ZNF644: variants seen among roughly 807,000 people sequenced by gnomAD.
ZNF644 encodes the protein zinc finger protein 644.
In ZNF644, 20 loss-of-function variants were observed where a neutral mutation model predicts 108.0. The observed-to-expected ratio is 0.19, with a 90% CI of 0.13 to 0.27. ZNF644 has a LOEUF of 0.27. Ranked by LOEUF, ZNF644 falls within the 10% of genes least tolerant of loss-of-function variation. The pLI is 1.00. For synonymous variants in ZNF644, 542 were observed against 539.1 expected, an observed-to-expected ratio of 1.01 and a Z score of -0.08; for missense variants, 1,338 against 1,548.9, an observed-to-expected ratio of 0.86 and a Z score of 2.29.
At chr1:90,960,679 C>A (rs1654251272) in intron 2 of ZNF644, among the ~76,000 whole-genome samples, 1 of 152,118 alleles carries the variant, frequency 6.6e-6, no homozygotes, top group Non-Finnish European at 1.5e-5. Flanking sequence ...TCAACCAAAG[C>A]CCAAATCCTG....
chr1:90,996,090 TA>T (rs1223075918), intron 1 of ZNF644, among the ~76,000 whole-genome samples: 1 of 152,188 alleles, frequency 6.6e-6, no homozygotes, highest in African/African-American at 2.4e-5. Context: ...ATACATATAT[TA>T]AAAGGTACTC....
chr1:90,918,173 A>C lies in ZNF644; in HGVS notation c.3689-19T>G, dbSNP rs1323794758. The C allele has an allele frequency of 2.5e-6, 4 of 1,588,020 alleles. No homozygotes were observed. Among genetic ancestry groups the C allele is most frequent in the South Asian group, 1.1e-5 (1 of 90,512 alleles). ...TCTAAGGCTAAAAAGGGGAAGAGAA[A>C]GACTTAACATTCCTTATATATTTCA... On this transcript the variant is annotated intron_variant, in intron 4 of 5. Transcript: ENST00000337393.
intron 4 of ZNF644, among the ~76,000 whole-genome samples, chr1:90,928,319 A>G (rs1650297709): frequency 1.0e-5 from 1 of 95,866 alleles, no homozygotes; most frequent in Non-Finnish European, 2.1e-5. Context: ...CACTGGGCTG[A>G]TTTTTTTTTT....
At chr1:90,991,369 A>G (rs358684) in intron 1 of ZNF644, among the ~76,000 whole-genome samples, 109,877 of 152,086 alleles carry the variant, frequency 0.72, 40,153 homozygotes, top group Middle Eastern at 0.79. Flanking sequence ...AAGTTTCACC[A>G]TTTCTTAAAA....
Position 90,940,813 on chromosome 1 carries a change from C to T in ZNF644, c.541G>A (p.Val181Ile), listed in dbSNP as rs1164017290. The T allele has an allele frequency of 6.2e-7, 1 of 1,613,978 alleles. No individual in the cohort carries two copies. The highest frequency in any genetic ancestry group is 1.1e-5 in the South Asian group (1 of 91,078). The part of the protein sequence containing the change: ...QHQVLFLLSD[V>I]AHAKNPTHSN... ...TGGGTGGGATTCTTAGCATGTGCTA[C>T]ATCTGATAACAAAAATAAAACTTGG... Residue 181 changes from valine to isoleucine, a missense_variant, in exon 3 of 6, where the codon GTA becomes ATA. Physicochemically the swap from Val to Ile is conservative, Grantham distance 29. Coordinates refer to ENST00000337393, the MANE Select transcript of ZNF644 (RefSeq NM_201269.3).
chr1:90,986,811 G>C (rs1175495545), intron 1 of ZNF644, among the ~76,000 whole-genome samples: 2 of 151,788 alleles, frequency 1.3e-5, no homozygotes, highest in Admixed American at 6.6e-5. Flanking sequence ...ATTTAAGACT[G>C]AAATCATACC....
chr1:90,966,095 C>T (rs1425700808), intron 2 of ZNF644, among the ~76,000 whole-genome samples: 1 of 152,074 alleles, frequency 6.6e-6, no homozygotes, highest in Non-Finnish European at 1.5e-5. Context: ...TACTATTTCT[C>T]GACTATGCTC....
At chr1:91,018,362 C>A (rs1296813725) in intron 1 of ZNF644, among the ~76,000 whole-genome samples, 1 of 152,198 alleles carries the variant, frequency 6.6e-6, no homozygotes, top group Non-Finnish European at 1.5e-5. Flanking sequence ...CTATACCTGA[C>A]AACTTTACTC....
intron 2 of ZNF644, among the ~76,000 whole-genome samples, chr1:90,949,402 A>T (rs534860387): frequency 1.3e-5 from 2 of 152,116 alleles, no homozygotes; most frequent in Non-Finnish European, 2.9e-5. Context: ...ATCTAAGAAA[A>T]ATATTTCAAG....
intron 2 of ZNF644, among the ~76,000 whole-genome samples, chr1:90,967,715 G>A (rs1655060622): frequency 6.6e-6 from 1 of 151,818 alleles, no homozygotes; most frequent in Admixed American, 6.6e-5. Context: ...GCATATTTCT[G>A]GGTAGCCTGC....
At chr1:90,988,572 G>C (rs1488097222) in intron 1 of ZNF644, among the ~76,000 whole-genome samples, 1 of 152,106 alleles carries the variant, frequency 6.6e-6, no homozygotes, top group East Asian at 1.9e-4. Flanking sequence ...GGACCCCATA[G>C]AGCCAAAACA....
chr1:90,998,575 T>A (rs999065684), intron 1 of ZNF644, among the ~76,000 whole-genome samples: 1 of 151,998 alleles, frequency 6.6e-6, no homozygotes, highest in East Asian at 1.9e-4. Context: ...GGACCAAAGG[T>A]AGATAAAACC....
chr1:90,966,618 C>T (rs1384553372), intron 2 of ZNF644, among the ~76,000 whole-genome samples: 1 of 151,770 alleles, frequency 6.6e-6, no homozygotes, highest in African/African-American at 2.4e-5. Context: ...GGTGTGGTGG[C>T]GTACACCTGT....
intron 2 of ZNF644, among the ~76,000 whole-genome samples, chr1:90,976,878 T>C (rs1310408439): frequency 6.6e-6 from 1 of 152,070 alleles, no homozygotes; most frequent in East Asian, 1.9e-4. Context: ...TAAACATATC[T>C]AGGAATAAAG....
chr1:90,984,497 C>T (rs754775411), intron 1 of ZNF644, among the ~76,000 whole-genome samples: 26 of 151,844 alleles, frequency 1.7e-4, no homozygotes, highest in Non-Finnish European at 3.4e-4. Flanking sequence ...AAGCGATTCT[C>T]GTGCCTCAGC....
rs1476809822 is a variant in ZNF644 at position 90,996,576 on chromosome 1, A to G, written c.-17-14206T>C. Among the ~76,000 whole-genome samples the G allele has an allele frequency of 2.6e-5, 4 of 152,170 alleles. No homozygotes were observed. In the East Asian group the frequency reaches 5.8e-4, roughly 22 times the overall value. On this transcript the variant is annotated intron_variant, in intron 1 of 5. Coordinates refer to ENST00000337393, the MANE Select transcript of ZNF644 (RefSeq NM_201269.3). ...GAGGTGGGAGAAATGCTTGAGTCCA[A>G]GTGCTTGGAACCAGTCTGGGCAACA...
Position 90,940,257 on chromosome 1 carries a change from T to C in ZNF644, c.1097A>G (p.Asn366Ser), listed in dbSNP as rs1478354235. ...SVDAFQHLIY[N>S]PDKCGEESSP... ...ACTCTCTTCTCCACACTTATCTGGG[T>C]TATAAATTAGATGTTGGAAGGCATC... Residue 366 changes from asparagine to serine, a missense_variant, in exon 3 of 6, where the codon AAC (asparagine) becomes AGC (serine). Physicochemically the swap from Asn to Ser is conservative, Grantham distance 46. Around this residue, in one of 6 missense-constraint regions of ZNF644, gnomAD observed 464 missense variants for 457.9 expected, o/e 1.01. Transcript: ENST00000337393. 1 of 1,613,992 alleles carries C rather than the reference T, an allele frequency of 6.2e-7. No homozygotes were observed. The highest frequency in any genetic ancestry group is 8.5e-7 in the Non-Finnish European group (1 of 1,179,940).
At chr1:90,974,637 A>G (rs1201542109) in intron 2 of ZNF644, among the ~76,000 whole-genome samples, 1 of 151,978 alleles carries the variant, frequency 6.6e-6, no homozygotes, top group Non-Finnish European at 1.5e-5. Context: ...TTGCTGTGTA[A>G]ATCTCTCTCA....
chr1:90,997,440 CAA>C (rs534704401), intron 1 of ZNF644, among the ~76,000 whole-genome samples: 1 of 146,404 alleles, frequency 6.8e-6, no homozygotes, highest in African/African-American at 2.5e-5. Context: ...GAATTAGTTT[CAA>C]AAAAAAAATC....
Sources: allele counts gnomAD v4.1 joint callset (sites outside exome capture counted in the v4.1 genomes callset), GRCh38; gene constraint gnomAD v4.1.1; regional missense constraint gnomAD v4.1.1; transcripts MANE v1.5; gene names NCBI Gene and HGNC (gene_info 2026-07-23, HGNC 2026-07-21).